Variants in KALRN observed in about 807,000 individuals in gnomAD.
The protein encoded by KALRN is kalirin RhoGEF kinase, also known as kalirin.
In KALRN, 70 loss-of-function variants were observed where a neutral mutation model predicts 353.7. The observed-to-expected ratio is 0.20, with a 90% CI of 0.16 to 0.24. KALRN has a LOEUF of 0.24. KALRN is among the 10% of genes least tolerant of loss of function. KALRN has a pLI of 1.00. For missense variants in KALRN, 2,791 were observed against 3,756.7 expected, an observed-to-expected ratio of 0.74 and a Z score of 6.72; for synonymous variants, 1,391 against 1,434.8, an observed-to-expected ratio of 0.97 and a Z score of 0.69.
rs74587656 is a variant in KALRN, at chr3:124,269,953, T to C, written c.969+698T>C. On this transcript the variant is annotated intron_variant, in intron 5 of 59. Transcript: ENST00000682506. ...GTTTCTCTTCAGCTGCTAAGCACTTTCTTGAGTAAGACACCATTTTTTCCA... is the reference window on the plus strand; with the variant it reads ...GTTTCTCTTCAGCTGCTAAGCACTTCCTTGAGTAAGACACCATTTTTTCCA... Among the ~76,000 whole-genome samples the C allele has an allele frequency of 9.4e-3, 1,426 of 152,338 alleles. 23 individuals are homozygous for C. The highest frequency in any genetic ancestry group is 0.031 in the African/African-American group (1,294 of 41,582).
chr3:124,661,846 C>T lies in KALRN; in HGVS notation c.6268-5C>T, dbSNP rs1050256780. The T allele has an allele frequency of 1.2e-6, 2 of 1,613,022 alleles. No homozygotes were observed. Among genetic ancestry groups the T allele is most frequent in the African/African-American group, 2.7e-5 (2 of 74,892 alleles). On this transcript the variant is annotated splice_region_variant and splice_polypyrimidine_tract_variant and intron_variant, in intron 44 of 59. Coordinates refer to ENST00000682506, the MANE Select transcript of KALRN (RefSeq NM_001388419.1). The stretch of plus-strand genomic sequence containing the variant: ...CTCCTGAGTAACAGTTGTTCTTTCC[C>T]ACAGAAAGCAGTGGAGTTAATGTGC...
In KALRN at chr3:124,373,987, G is replaced by A. The variant is rs1244241988; in HGVS notation, c.1771-10858G>A. 2.6e-5 allele frequency among the ~76,000 whole-genome samples: 4 copies of A among 152,140 alleles called. No homozygotes were observed. The East Asian group carries it at 5.8e-4, about 22-fold the overall frequency. On this transcript the variant is annotated intron_variant, in intron 10 of 59. Coordinates refer to ENST00000682506, the MANE Select transcript of KALRN (RefSeq NM_001388419.1). ...ACCAAGCCCAGGGAGGTTAACTAAGGTAAAACCCAGGGCAAGTAGCAGTAT... is the reference window on the plus strand; with the variant it reads ...ACCAAGCCCAGGGAGGTTAACTAAGATAAAACCCAGGGCAAGTAGCAGTAT...
chr3:124,243,621 A>G (rs1428081708), intron 3 of KALRN, among the ~76,000 whole-genome samples: 1 of 152,202 alleles, frequency 6.6e-6, no homozygotes, highest in Non-Finnish European at 1.5e-5. Flanking sequence ...GTGGAACAAT[A>G]GCAGAGAAAG....
intron 31 of KALRN, 91 bp downstream of exon 31, chr3:124,491,515 A>C: frequency 1.1e-6 from 1 of 888,976 alleles, no homozygotes; most frequent in East Asian, 2.9e-5. Flanking sequence ...AGGCCCAGAG[A>C]CTCTACTGAG....
At chr3:124,646,408 T>TTTTTTTTTTTTTTTTTTTTTTTTAA in intron 37 of KALRN, among the ~76,000 whole-genome samples, 1 of 149,042 alleles carries the variant, frequency 6.7e-6, no homozygotes, top group African/African-American at 2.5e-5. Context: ...TTTTTTTTTT[T>TTTTTTTTTTTTTTTTTTTTTTTTAA]GAGACAGAGC....
chr3:124,617,570 A>G (rs2078757084), intron 34 of KALRN, among the ~76,000 whole-genome samples: 1 of 152,238 alleles, frequency 6.6e-6, no homozygotes, highest in Non-Finnish European at 1.5e-5. Flanking sequence ...AATGCAACAT[A>G]GTACAGTGAA....
At chr3:124,244,659 G>T (rs1421270885) in intron 3 of KALRN, among the ~76,000 whole-genome samples, 1 of 152,154 alleles carries the variant, frequency 6.6e-6, no homozygotes, top group Non-Finnish European at 1.5e-5. Flanking sequence ...ATGTGTAATA[G>T]TGTGTCTTGG....
intron 9 of KALRN, among the ~76,000 whole-genome samples, chr3:124,344,314 G>C (rs527668718): frequency 6.6e-6 from 1 of 152,184 alleles, no homozygotes; most frequent in East Asian, 1.9e-4. Flanking sequence ...AATTTATAGC[G>C]TGTAATGTAA....
chr3:124,697,351 T>A (rs2062102950), intron 54 of KALRN, among the ~76,000 whole-genome samples: 3 of 152,180 alleles, frequency 2.0e-5, no homozygotes, highest in Non-Finnish European at 2.9e-5. Flanking sequence ...CATCAACATG[T>A]TAGTTCCCTG....
chr3:124,430,228 A>T (rs1206783440), intron 15 of KALRN, among the ~76,000 whole-genome samples: 1 of 152,240 alleles, frequency 6.6e-6, no homozygotes, highest in African/African-American at 2.4e-5. Flanking sequence ...TGTTTCTAGC[A>T]GGAGAGATTA....
At chr3:124,099,423 G>A (rs575395791) in intron 1 of KALRN, 3 of 152,256 alleles carry the variant, frequency 2.0e-5, no homozygotes, top group Admixed American at 6.5e-5. Flanking sequence ...ATTCCATTGT[G>A]TATATATAAC....
At position 124,650,793 on chromosome 3, in the gene KALRN, T is replaced by TC. The variant is rs11372663; in HGVS notation, c.5665-15_5665-14insC. 2.5e-6 allele frequency: 4 copies of TC among 1,610,854 alleles called. No individual in the cohort carries two copies. In the East Asian group the frequency reaches 6.7e-5, roughly 27 times the overall value. On this transcript the variant is annotated splice_polypyrimidine_tract_variant and intron_variant, in intron 37 of 59. Transcript: ENST00000682506. ...CAAAGTACACTTCTCTAAGCCTGTT[T>TC]TTCTCTCTTTTCAGAGTCTAGAAGG...
At chr3:124,563,125 G>A in intron 34 of KALRN, 36 bp downstream of exon 34, 1 of 1,356,124 alleles carries the variant, frequency 7.4e-7, no homozygotes, top group Non-Finnish European at 9.9e-7. Context: ...CACAGACCAA[G>A]GAGGCCATGA....
intron 1 of KALRN, among the ~76,000 whole-genome samples, chr3:124,140,973 C>T (rs565407239): frequency 5.3e-5 from 8 of 152,304 alleles, no homozygotes; most frequent in Admixed American, 5.2e-4. Flanking sequence ...CTCATTACCA[C>T]CTTCTCCGCA....
At chr3:124,602,408 C>A (rs2076899520) in intron 34 of KALRN, among the ~76,000 whole-genome samples, 1 of 152,196 alleles carries the variant, frequency 6.6e-6, no homozygotes, top group African/African-American at 2.4e-5. Flanking sequence ...GCTGTGAAAT[C>A]TGGGGTGCTC....
chr3:124,569,615 C>T (rs779796955), intron 34 of KALRN, among the ~76,000 whole-genome samples: 17 of 152,206 alleles, frequency 1.1e-4, no homozygotes, highest in African/African-American at 2.7e-4. Context: ...TTTGAACCCA[C>T]GCCTGTCCAT....
At chr3:124,482,966 T>A in intron 28 of KALRN, 66 bp downstream of exon 28, 1 of 1,115,910 alleles carries the variant, frequency 9.0e-7, no homozygotes, top group East Asian at 2.3e-5. Context: ...GTCCCAGCTT[T>A]GGCCCCTAAG....
At chr3:124,649,711 C>T (rs1310401017) in intron 37 of KALRN, among the ~76,000 whole-genome samples, 2 of 151,810 alleles carry the variant, frequency 1.3e-5, no homozygotes, top group African/African-American at 4.8e-5. Context: ...TTGCTTGAGC[C>T]TAGGAGGTCA....
At chr3:124,143,887 C>T (rs1272950698) in intron 1 of KALRN, among the ~76,000 whole-genome samples, 2 of 152,066 alleles carry the variant, frequency 1.3e-5, no homozygotes, top group African/African-American at 4.8e-5. Flanking sequence ...TTAAAAAAGC[C>T]AGTTTTCATT....
Sources: gnomAD v4.1 joint callset for allele counts (sites outside exome capture counted in the v4.1 genomes callset) on GRCh38, gnomAD v4.1.1 for gene constraint, MANE v1.5 for transcripts, NCBI Gene and HGNC (gene_info 2026-07-23, HGNC 2026-07-21) for gene names.